Variants in ARAP3 observed in about 807,000 individuals in gnomAD.
ARAP3 encodes the protein arf-GAP with Rho-GAP domain, ANK repeat and PH domain-containing protein 3.
ARAP3 carries 82 observed loss-of-function variants against 169.2 expected under a neutral mutation model. That is an observed-to-expected ratio of 0.48 (90% confidence interval 0.41 to 0.58). ARAP3 has a LOEUF of 0.58. Ranked by LOEUF, ARAP3 falls within the 20% of genes least tolerant of loss-of-function variation. The pLI, the probability that ARAP3 is intolerant of heterozygous loss-of-function variation, is 0.00. For missense variants in ARAP3, 1,764 were observed against 2,018.0 expected, an observed-to-expected ratio of 0.87 and a Z score of 2.41; for synonymous variants, 791 against 800.3, an observed-to-expected ratio of 0.99 and a Z score of 0.20.
chr5:141,655,933 C>T lies in ARAP3; in HGVS notation c.3909-1G>A. ...ATCCTCGTCAGTGCAGGACAAGTAGCTGGGGTGATCAGAATGGAATCAGAG... is the reference window on the plus strand; with the variant it reads ...ATCCTCGTCAGTGCAGGACAAGTAGTTGGGGTGATCAGAATGGAATCAGAG... On this transcript the variant is annotated splice_acceptor_variant, in intron 29 of 32. Transcript: ENST00000239440. LOFTEE classifies it high-confidence loss of function. 2.5e-6 allele frequency: 4 copies of T among 1,613,888 alleles called. No homozygotes were observed. The highest frequency in any genetic ancestry group is 3.4e-6 in the Non-Finnish European group (4 of 1,179,892).
At chr5:141,679,869 C>T in intron 2 of ARAP3, 47 bp from the exon 3 acceptor site, 2 of 1,609,720 alleles carry the variant, frequency 1.2e-6, no homozygotes, top group Middle Eastern at 1.7e-4. Flanking sequence ...GGAGGAAGAA[C>T]AAGCCTTCAT....
At chr5:141,667,439 T>C (rs952976904) in intron 16 of ARAP3, among the ~76,000 whole-genome samples, 4 of 151,298 alleles carry the variant, frequency 2.6e-5, no homozygotes, top group African/African-American at 7.3e-5. Flanking sequence ...TTCTTTCTTT[T>C]TTTTTTTTTT....
Position 141,671,257 on chromosome 5 carries a change from G to A in ARAP3, c.1990+8C>T, listed in dbSNP as rs1167675482. The A allele has an allele frequency of 6.3e-7, 1 of 1,592,356 alleles. No homozygotes were observed. The highest frequency in any genetic ancestry group is 8.5e-7 in the Non-Finnish European group (1 of 1,170,038). ...GTAGGGGAGAGAGGAGGCACTTGGG[G>A]GAATGACCTGAGGGCAAGAGGCCAG... On this transcript the variant is annotated splice_region_variant and intron_variant, in intron 13 of 32. Coordinates refer to ENST00000239440, the MANE Select transcript of ARAP3 (RefSeq NM_022481.6). The surrounding 1 kb of genome is among the most constrained non-coding windows in gnomAD (Gnocchi z 4.9).
At position 141,680,415 on chromosome 5, in the gene ARAP3, C is replaced by A; in HGVS notation, c.72G>T (p.Thr24=). The change falls in exon 2 of 33, where the codon ACG becomes ACT. Residue 24 remains threonine, a synonymous_variant. Coordinates refer to ENST00000239440, the MANE Select transcript of ARAP3 (RefSeq NM_022481.6). ...CTGTAGCCAGGCCATGCCGTCGGAA[C>A]GTGTCTGCATACTGCTCCAGGTGCA... The part of the protein sequence containing the change: ...ATVHLEQYAD[T]FRRHGLATAG... 1.2e-6 allele frequency: 2 copies of A among 1,613,494 alleles called. No homozygotes were observed. Among genetic ancestry groups the A allele is most frequent in the Non-Finnish European group, 1.7e-6 (2 of 1,180,032 alleles).
At chr5:141,665,505 G>C in intron 17 of ARAP3, 131 bp from the exon 18 acceptor site, 1 of 882,180 alleles carries the variant, frequency 1.1e-6, no homozygotes, top group Non-Finnish European at 1.8e-6. Flanking sequence ...AATCCTATGA[G>C]TTATGTACTA....
Position 141,672,336 on chromosome 5 carries a change from C to T in ARAP3, c.1386-35G>A. The stretch of plus-strand genomic sequence containing the variant: ...GGACAGCCAGTCCATGGGCATGGAC[C>T]TACCTGCCATGTCCCATCCCCCTGG... On this transcript the variant is annotated intron_variant, in intron 9 of 32. Transcript: ENST00000239440. This position sits in a 1 kb window ranked among gnomAD's most constrained non-coding sequence, Gnocchi z 4.9. 3 of 1,607,630 alleles carry T rather than the reference C, an allele frequency of 1.9e-6. No homozygotes were observed. Among genetic ancestry groups the T allele is most frequent in the Non-Finnish European group, 2.6e-6 (3 of 1,175,436 alleles).
intron 21 of ARAP3, among the ~76,000 whole-genome samples, chr5:141,660,383 A>G (rs2099909786): frequency 6.6e-6 from 1 of 150,992 alleles, no homozygotes; most frequent in Non-Finnish European, 1.5e-5. Context: ...AGTCCCAGCT[A>G]CTCGGGAGGC....
At chr5:141,668,920 A>G (rs2099911055) in intron 16 of ARAP3, among the ~76,000 whole-genome samples, 1 of 152,206 alleles carries the variant, frequency 6.6e-6, no homozygotes, top group African/African-American at 2.4e-5. Context: ...TTTCTGACGC[A>G]TTGTCAGGAG....
chr5:141,656,318 A>T, intron 27 of ARAP3, 42 bp from the exon 28 acceptor site: 4 of 1,611,462 alleles, frequency 2.5e-6, no homozygotes, highest in Non-Finnish European at 3.4e-6. Context: ...GAGATGAGAG[A>T]TCATGGTTAA....
intron 13 of ARAP3, 28 bp from the exon 14 acceptor site, chr5:141,670,656 T>A (rs754549297): frequency 1.1e-5 from 18 of 1,597,900 alleles, no homozygotes; most frequent in Non-Finnish European, 1.5e-5. Context: ...AGTAGTCAGG[T>A]CAACCAAGTG....
At chr5:141,660,207 C>G (rs1184466028) in intron 21 of ARAP3, among the ~76,000 whole-genome samples, 1 of 152,156 alleles carries the variant, frequency 6.6e-6, no homozygotes, top group Non-Finnish European at 1.5e-5. Flanking sequence ...AAAATATATA[C>G]ATGGGCCGGG....
intron 4 of ARAP3, among the ~76,000 whole-genome samples, chr5:141,677,389 G>A (rs2099912320): frequency 6.6e-6 from 1 of 152,132 alleles, no homozygotes; most frequent in Non-Finnish European, 1.5e-5. Context: ...CATTTCATAG[G>A]CCCAGTAGTC....
Position 141,672,048 on chromosome 5 carries a change from G to A in ARAP3, c.1585+54C>T, listed in dbSNP as rs1393396480. Reference sequence around the variant, plus strand: ...GGGGCATGTGGCACGGGTACCCTGAGCCCTCTAGTCCCAGCCCTCCTGTTC... The same window carrying A: ...GGGGCATGTGGCACGGGTACCCTGAACCCTCTAGTCCCAGCCCTCCTGTTC... On this transcript the variant is annotated intron_variant, in intron 10 of 32. Transcript: ENST00000239440. The surrounding 1 kb of genome is among the most constrained non-coding windows in gnomAD (Gnocchi z 4.9). 8 of 1,613,846 alleles carry A rather than the reference G, an allele frequency of 5.0e-6. No individual in the cohort carries two copies. In the Admixed American group the frequency reaches 5.0e-5, roughly 10 times the overall value.
chr5:141,674,705 G>T (rs1407904212), intron 4 of ARAP3, among the ~76,000 whole-genome samples: 2 of 152,156 alleles, frequency 1.3e-5, no homozygotes, highest in African/African-American at 4.8e-5. Context: ...GGAAAAGACG[G>T]GGAAGGGCTG....
rs373399181 is a variant in ARAP3 at position 141,659,674 on chromosome 5, A to G, written c.3267+105T>C. On this transcript the variant is annotated intron_variant, in intron 22 of 32. Transcript: ENST00000239440. Reference sequence around the variant, plus strand: ...GTAGTTCCTGGTATAGCTGGCCACCAGAGGCCTGGGCTGGGGGCTTGTTGG... The same window carrying G: ...GTAGTTCCTGGTATAGCTGGCCACCGGAGGCCTGGGCTGGGGGCTTGTTGG... 1.5e-5 allele frequency: 23 copies of G among 1,499,188 alleles called. No homozygotes were observed. In the East Asian group the frequency reaches 1.8e-4, roughly 12 times the overall value. The allele number at this position is 1,499,188 out of a possible 1,614,324, so 92.9% of individuals were successfully genotyped here. A position where few individuals can be genotyped will look rare whatever the true frequency, so the allele number is the denominator to read the frequency against.
chr5:141,661,680 T>A lies in ARAP3; in HGVS notation c.3119+4A>T. The A allele has an allele frequency of 6.2e-7, 1 of 1,614,108 alleles. No individual in the cohort carries two copies. The highest frequency in any genetic ancestry group is 8.5e-7 in the Non-Finnish European group (1 of 1,179,910). The stretch of plus-strand genomic sequence containing the variant: ...GGTTCTGCAGAGGGTCTAGCCATAC[T>A]GACCGATAGAGATGCCCAATGAGGG... On this transcript the variant is annotated splice_donor_region_variant and intron_variant, in intron 21 of 32. Coordinates refer to ENST00000239440, the MANE Select transcript of ARAP3 (RefSeq NM_022481.6).
intron 4 of ARAP3, among the ~76,000 whole-genome samples, chr5:141,678,049 G>A (rs990569439): frequency 4.0e-5 from 6 of 151,496 alleles, no homozygotes; most frequent in African/African-American, 7.3e-5. Flanking sequence ...CCGGGTTCAC[G>A]CCATTCTCTG....
At chr5:141,665,752 C>G (rs892895607) in intron 17 of ARAP3, among the ~76,000 whole-genome samples, 2 of 151,998 alleles carry the variant, frequency 1.3e-5, no homozygotes, top group Non-Finnish European at 2.9e-5. Flanking sequence ...ATTTATAGAC[C>G]GGGCGCAGTG....
chr5:141,655,116 CCTCTCCCTCTCCCTTTTCCTCG>C (rs898940018), intron 32 of ARAP3, among the ~76,000 whole-genome samples: 1 of 150,716 alleles, frequency 6.6e-6, no homozygotes, highest in Non-Finnish European at 1.5e-5. Context: ...CTGTCCTGTC[CCTCTCCCTCTCCCTTTTCCTCG>C]CTCTCCCTCT....
Sources: allele counts gnomAD v4.1 joint callset (sites outside exome capture counted in the v4.1 genomes callset), GRCh38; gene constraint gnomAD v4.1.1; non-coding constraint Gnocchi (gnomAD v3.1); transcripts MANE v1.5; gene names NCBI Gene and HGNC (gene_info 2026-07-23, HGNC 2026-07-21).